Variants in CNTN5 observed in about 807,000 individuals in gnomAD.
CNTN5 encodes the protein contactin 5, also known as contactin-5.
In CNTN5, 77 loss-of-function variants were observed where a neutral mutation model predicts 129.1. The observed-to-expected ratio is 0.60, with a 90% CI of 0.50 to 0.72. The LOEUF (loss-of-function observed/expected upper bound fraction) is 0.72, where lower values mean the gene tolerates loss of function less well. Among genes scored for constraint, CNTN5 ranks in the 30% least tolerant of loss-of-function variants. The pLI is 0.00. For synonymous variants in CNTN5, 509 were observed against 465.6 expected (o/e 1.09, Z -1.20); for missense variants, 1,478 against 1,328.8 (o/e 1.11, Z -1.75).
chr11:99,250,588 C>G (rs1472206972), intron 1 of CNTN5, among the ~76,000 whole-genome samples: 1 of 151,682 alleles, frequency 6.6e-6, no homozygotes, highest in Admixed American at 6.6e-5. Context: ...AATTTTTTTT[C>G]CACTTAAATT....
chr11:99,572,391 C>T (rs7952469), intron 3 of CNTN5, among the ~76,000 whole-genome samples: 104 of 152,310 alleles, frequency 6.8e-4, no homozygotes, highest in African/African-American at 2.0e-3. Flanking sequence ...CTGCTGGCCA[C>T]GGTTTGGACA....
intron 6 of CNTN5, among the ~76,000 whole-genome samples, chr11:99,904,829 C>G (rs182081565): frequency 6.6e-6 from 1 of 152,152 alleles, no homozygotes; most frequent in African/African-American, 2.4e-5. Context: ...TTAGTGATTG[C>G]CATTCTAAAT....
intron 1 of CNTN5, among the ~76,000 whole-genome samples, chr11:99,039,400 C>A (rs913749573): frequency 1.3e-5 from 2 of 152,126 alleles, no homozygotes; most frequent in African/African-American, 4.8e-5. Context: ...ATAGGAAATA[C>A]TGTTGAACTG....
chr11:99,072,849 T>G (rs189843984), intron 1 of CNTN5, among the ~76,000 whole-genome samples: 273 of 152,278 alleles, frequency 1.8e-3, no homozygotes, highest in Admixed American at 2.9e-3. Flanking sequence ...TTTCTGTATC[T>G]CAAATGATTC....
At chr11:99,834,553 C>T (rs187093214) in intron 4 of CNTN5, among the ~76,000 whole-genome samples, 43 of 152,160 alleles carry the variant, frequency 2.8e-4, no homozygotes, top group Admixed American at 8.5e-4. Flanking sequence ...TTACAGCAAA[C>T]GATTGCACTT....
intron 1 of CNTN5, among the ~76,000 whole-genome samples, chr11:99,196,439 C>T (rs1858906716): frequency 6.6e-6 from 1 of 151,748 alleles, no homozygotes; most frequent in Admixed American, 6.6e-5. Context: ...CATTTTTCTC[C>T]TCACATTTTT....
intron 2 of CNTN5, among the ~76,000 whole-genome samples, chr11:99,408,145 C>T (rs537070411): frequency 4.0e-4 from 61 of 151,862 alleles, no homozygotes; most frequent in Non-Finnish European, 7.2e-4. Context: ...TCTATTCCAC[C>T]ACCATCTTGC....
At chr11:99,129,533 GAC>G (rs1271757531) in intron 1 of CNTN5, among the ~76,000 whole-genome samples, 1 of 152,124 alleles carries the variant, frequency 6.6e-6, no homozygotes. Context: ...AGTTGGAAAA[GAC>G]ACTTAAGGAT....
chr11:99,941,042 T>G (rs1041177999), intron 7 of CNTN5, among the ~76,000 whole-genome samples: 1 of 152,134 alleles, frequency 6.6e-6, no homozygotes, highest in African/African-American at 2.4e-5. Flanking sequence ...CTTACAGGTC[T>G]TCCAGTTCAT....
In CNTN5 at chr11:99,556,193, C is replaced by G. The variant is rs879880249; in HGVS notation, c.-22C>G. The G allele has an allele frequency of 2.0e-6, 3 of 1,465,842 alleles. No individual in the cohort carries two copies. Among genetic ancestry groups the G allele is most frequent in the Admixed American group, 4.2e-5 (2 of 47,216 alleles). The allele number at this position is 1,465,842 out of a possible 1,614,324, so 90.8% of individuals were successfully genotyped here. ...CAGAGCTGTTAAACACATTGAGACA[C>G]AGAAGATTCTAGTGACTGAGGATGG... On this transcript the variant is annotated 5_prime_UTR_variant, in exon 3 of 25. Transcript: ENST00000524871.
chr11:100,096,543 C>G (rs1407019290), intron 13 of CNTN5, among the ~76,000 whole-genome samples: 1 of 152,078 alleles, frequency 6.6e-6, no homozygotes, highest in African/African-American at 2.4e-5. Context: ...TACCATTCTC[C>G]TAGCCATCCG....
chr11:99,772,730 T>C (rs990205104), intron 3 of CNTN5, among the ~76,000 whole-genome samples: 1 of 152,076 alleles, frequency 6.6e-6, no homozygotes, highest in African/African-American at 2.4e-5. Context: ...GAACAGGGAG[T>C]TGTATTCCCT....
chr11:99,858,888 T>C (rs1226829245), intron 6 of CNTN5, among the ~76,000 whole-genome samples: 3 of 150,942 alleles, frequency 2.0e-5, no homozygotes, highest in Non-Finnish European at 4.4e-5. Flanking sequence ...GTGATTATTA[T>C]GTTCTAGACA....
chr11:99,407,386 T>C (rs1236719708), intron 2 of CNTN5, among the ~76,000 whole-genome samples: 1 of 152,160 alleles, frequency 6.6e-6, no homozygotes, highest in African/African-American at 2.4e-5. Context: ...GTCACAGCTC[T>C]GACTAGTGCC....
intron 6 of CNTN5, among the ~76,000 whole-genome samples, chr11:99,913,337 T>A (rs1018721185): frequency 6.6e-6 from 1 of 152,018 alleles, no homozygotes; most frequent in African/African-American, 2.4e-5. Context: ...CACTTTTACA[T>A]TGTAGATAAT....
intron 1 of CNTN5, among the ~76,000 whole-genome samples, chr11:99,261,597 A>G (rs1386484687): frequency 6.6e-6 from 1 of 152,044 alleles, no homozygotes; most frequent in East Asian, 1.9e-4. Flanking sequence ...TCATGTAAAC[A>G]GGGGCGTTGA....
intron 2 of CNTN5, among the ~76,000 whole-genome samples, chr11:99,401,546 A>C (rs1405473820): frequency 6.6e-6 from 1 of 152,164 alleles, no homozygotes; most frequent in Non-Finnish European, 1.5e-5. Context: ...CTTTTTGCTT[A>C]GGATAGCTTT....
intron 1 of CNTN5, among the ~76,000 whole-genome samples, chr11:99,138,608 G>A (rs560724733): frequency 1.4e-4 from 21 of 152,128 alleles, no homozygotes; most frequent in Non-Finnish European, 1.3e-4. Flanking sequence ...AATCGATTAT[G>A]CATCAGAAGT....
intron 1 of CNTN5, among the ~76,000 whole-genome samples, chr11:99,292,522 G>C (rs1161196430): frequency 6.6e-6 from 1 of 152,116 alleles, no homozygotes; most frequent in Non-Finnish European, 1.5e-5. Flanking sequence ...TAAATGTGGT[G>C]AAAGTGGGCA....
Sources: gnomAD v4.1 joint callset for allele counts (sites outside exome capture counted in the v4.1 genomes callset) on GRCh38, gnomAD v4.1.1 for gene constraint, MANE v1.5 for transcripts, NCBI Gene and HGNC (gene_info 2026-07-23, HGNC 2026-07-21) for gene names.